RBFOX3: variants seen among roughly 807,000 people sequenced by gnomAD.
RBFOX3 encodes the protein RNA binding fox-1 homolog 3.
A neutral mutation model predicts 48.7 loss-of-function variants in RBFOX3; 17 were observed. The ratio of observed to expected loss-of-function variants is 0.35; its 90% CI spans 0.24 to 0.52. The LOEUF is 0.52. Ranked by LOEUF, RBFOX3 falls within the 20% of genes least tolerant of loss-of-function variation. The pLI is 0.94. For synonymous variants in RBFOX3, 212 were observed against 209.5 expected (o/e 1.01, Z -0.10); for missense variants, 382 against 497.5 (o/e 0.77, Z 2.21).
At chr17:79,530,108 T>C (rs1599054620) in intron 1 of RBFOX3, among the ~76,000 whole-genome samples, 1 of 152,240 alleles carries the variant, frequency 6.6e-6, no homozygotes, top group South Asian at 2.1e-4. Context: ...GGCTTTTTAA[T>C]GAGATGAGGC....
chr17:79,510,564 T>C (rs2083984247), intron 1 of RBFOX3, among the ~76,000 whole-genome samples: 1 of 152,090 alleles, frequency 6.6e-6, no homozygotes, highest in Non-Finnish European at 1.5e-5. Context: ...CGTGTAAAGT[T>C]GGGGCTGTAA....
At chr17:79,643,937 T>C in the RBFOX3 span, among the ~76,000 whole-genome samples, 4 of 151,942 alleles carry the variant, frequency 2.6e-5, no homozygotes, top group African/African-American at 7.2e-5. Context: ...ATTGAGTAAA[T>C]GGAAAACAGA....
intron 13 of RBFOX3, among the ~76,000 whole-genome samples, chr17:79,094,967 C>T (rs1871067619): frequency 6.6e-6 from 1 of 152,096 alleles, no homozygotes; most frequent in African/African-American, 2.4e-5. Flanking sequence ...CACTTGTGTC[C>T]CTCACGACTT....
chr17:79,633,539 T>A, the RBFOX3 span, among the ~76,000 whole-genome samples: 2 of 151,694 alleles, frequency 1.3e-5, no homozygotes, highest in Admixed American at 1.3e-4. Flanking sequence ...AAACCCCAGA[T>A]GGGCAGATGC....
At chr17:79,328,837 G>A (rs1026284339) in intron 2 of RBFOX3, among the ~76,000 whole-genome samples, 1 of 152,172 alleles carries the variant, frequency 6.6e-6, no homozygotes, top group Admixed American at 6.5e-5. Flanking sequence ...AGCAGCGCAG[G>A]GTTAGCCGTG....
the RBFOX3 span, among the ~76,000 whole-genome samples, chr17:79,656,329 C>G: frequency 6.6e-6 from 1 of 152,146 alleles, no homozygotes; most frequent in African/African-American, 2.4e-5. Context: ...ACTTTATGGA[C>G]AAGGCCGGGC....
chr17:79,394,539 A>G (rs769985079), intron 2 of RBFOX3, among the ~76,000 whole-genome samples: 2 of 151,980 alleles, frequency 1.3e-5, no homozygotes, highest in Non-Finnish European at 2.9e-5. Context: ...TTCTCCATCC[A>G]CTCCAGGACA....
chr17:79,662,368 C>T, the RBFOX3 span, among the ~76,000 whole-genome samples: 1 of 151,934 alleles, frequency 6.6e-6, no homozygotes, highest in African/African-American at 2.4e-5. Flanking sequence ...GTGATCCGCC[C>T]ACCTCAGCCT....
At chr17:79,416,133 C>A (rs573150982) in intron 2 of RBFOX3, among the ~76,000 whole-genome samples, 1 of 152,328 alleles carries the variant, frequency 6.6e-6, no homozygotes, top group South Asian at 2.1e-4. Context: ...CCCACAGGTG[C>A]CCCCACAAGG....
Position 79,249,559 on chromosome 17 carries a change from T to C in RBFOX3, c.-73-13754A>G, listed in dbSNP as rs958435905. Among the ~76,000 whole-genome samples the C allele has an allele frequency of 6.6e-6, 1 of 152,036 alleles. No homozygotes were observed. Among genetic ancestry groups the C allele is most frequent in the African/African-American group, 2.4e-5 (1 of 41,392 alleles). ...AGCCCCTGCCTCTATCGGGGTCCCA[T>C]GCTCCCGGAGACTGTTTACCTGTCC... is the stretch of plus-strand genomic sequence containing the variant. On this transcript the variant is annotated intron_variant, in intron 3 of 14. Transcript: ENST00000693108. This position sits in a 1 kb window ranked among gnomAD's most constrained non-coding sequence, Gnocchi z 4.1.
chr17:79,107,511 G>A (rs1158115510), intron 5 of RBFOX3, among the ~76,000 whole-genome samples: 3 of 152,240 alleles, frequency 2.0e-5, no homozygotes, highest in Admixed American at 6.5e-5. Flanking sequence ...CCGAGGCAGC[G>A]CAGTGTGGCC....
the RBFOX3 span, among the ~76,000 whole-genome samples, chr17:79,633,367 G>T: frequency 6.6e-6 from 1 of 152,378 alleles, no homozygotes; most frequent in Admixed American, 6.5e-5. Context: ...CTGGGCTCAG[G>T]TCATTCCGGG....
At chr17:79,287,329 G>C (rs1276595156) in intron 3 of RBFOX3, among the ~76,000 whole-genome samples, 2 of 152,126 alleles carry the variant, frequency 1.3e-5, no homozygotes, top group South Asian at 4.1e-4. Context: ...CCACCCACAG[G>C]GGGCCCTGGG....
intron 1 of RBFOX3, among the ~76,000 whole-genome samples, chr17:79,568,028 C>T (rs1014969900): frequency 1.5e-4 from 23 of 152,152 alleles, no homozygotes; most frequent in East Asian, 7.7e-4. Flanking sequence ...CATGGGTGCC[C>T]GCTCTCCAGT....
chr17:79,591,866 T>C (rs1358354610), intron 1 of RBFOX3, among the ~76,000 whole-genome samples: 1 of 144,414 alleles, frequency 6.9e-6, no homozygotes, highest in East Asian at 2.0e-4. Flanking sequence ...GTGGAGGGTG[T>C]GTGGAGGCAT....
chr17:79,621,265 C>T, the RBFOX3 span, among the ~76,000 whole-genome samples: 1 of 152,184 alleles, frequency 6.6e-6, no homozygotes, highest in South Asian at 2.1e-4. Context: ...TCCCAAAGTG[C>T]TGGAATTACA....
intron 1 of RBFOX3, among the ~76,000 whole-genome samples, chr17:79,553,769 G>C (rs1186712470): frequency 1.3e-5 from 2 of 151,418 alleles, no homozygotes; most frequent in African/African-American, 4.9e-5. Context: ...CTCTCTCTCT[G>C]TTGCCCAGGC....
chr17:79,119,002 AT>A (rs1391824348), intron 4 of RBFOX3, among the ~76,000 whole-genome samples: 1,929 of 148,830 alleles, frequency 0.013, 54 homozygotes, highest in East Asian at 0.09. Context: ...AATAAAGAAA[AT>A]AAAATAAAAA....
intron 3 of RBFOX3, among the ~76,000 whole-genome samples, chr17:79,263,523 C>T (rs2066150324): frequency 6.6e-6 from 1 of 152,170 alleles, no homozygotes; most frequent in Non-Finnish European, 1.5e-5. Flanking sequence ...TGGCAGAAGT[C>T]CTGGGAGTGG....
Sources: gnomAD v4.1 joint callset for allele counts (sites outside exome capture counted in the v4.1 genomes callset) on GRCh38, gnomAD v4.1.1 for gene constraint, Gnocchi (gnomAD v3.1) non-coding constraint, MANE v1.5 for transcripts, NCBI Gene and HGNC (gene_info 2026-07-23, HGNC 2026-07-21) for gene names.